The following WDR41 variants were observed in gnomAD, a reference collection of about 807,000 sequenced individuals.
The protein encoded by WDR41 is WD repeat-containing protein 41.
In WDR41, 63 loss-of-function variants were observed where a neutral mutation model predicts 69.3. The observed-to-expected ratio is 0.91, with a 90% CI of 0.74 to 1.12. WDR41 has a LOEUF of 1.12. WDR41 is among the 50% of genes most tolerant of loss of function. The pLI, the probability that WDR41 is intolerant of heterozygous loss-of-function variation, is 0.00. For synonymous variants in WDR41, 185 were observed against 192.1 expected, an observed-to-expected ratio of 0.96 and a Z score of 0.31; for missense variants, 543 against 534.5, an observed-to-expected ratio of 1.02 and a Z score of -0.16.
At chr5:77,549,444 C>T (rs1040873187) in intron 1 of WDR41, among the ~76,000 whole-genome samples, 4 of 152,034 alleles carry the variant, frequency 2.6e-5, no homozygotes, top group Non-Finnish European at 5.9e-5. Context: ...AAATCAGTAA[C>T]ATTTCTATAC....
intron 1 of WDR41, among the ~76,000 whole-genome samples, chr5:77,520,666 T>A (rs1484582757): frequency 6.6e-6 from 1 of 152,140 alleles, no homozygotes; most frequent in East Asian, 1.9e-4. Context: ...GAAAATGAAC[T>A]TCCTTTCAGA....
rs1358642822 is a variant in WDR41, at chr5:77,582,640, T to C, written c.42+37839A>G. On this transcript the variant is annotated intron_variant, in intron 1 of 5. Transcript: ENST00000509971. ...CTTCTATGTACCTGCAGAACCCAAA[T>C]TGGCGTTTGTCATCAGAATCAGAGG... is the stretch of plus-strand genomic sequence containing the variant. The C allele has an allele frequency of 7.5e-6, 12 of 1,601,780 alleles. 1 individual carries two copies. The highest frequency in any genetic ancestry group is 6.6e-5 in the South Asian group (6 of 91,060).
chr5:77,614,987 T>C (rs1219464476), intron 1 of WDR41, among the ~76,000 whole-genome samples: 1 of 152,052 alleles, frequency 6.6e-6, no homozygotes, highest in Non-Finnish European at 1.5e-5. Context: ...ATCTATGAAA[T>C]GTCCAGAAAG....
chr5:77,478,113 A>T (rs1801038291), intron 2 of WDR41, among the ~76,000 whole-genome samples: 1 of 152,198 alleles, frequency 6.6e-6, no homozygotes, highest in Non-Finnish European at 1.5e-5. Flanking sequence ...CACCCTCCCA[A>T]GACTAAACCA....
intron 8 of WDR41, 100 bp downstream of exon 8, chr5:77,449,660 A>T (rs1799542544): frequency 2.6e-6 from 2 of 758,654 alleles, no homozygotes; most frequent in Admixed American, 2.7e-5. Flanking sequence ...TATTTTAGTG[A>T]CTTATTCTAG....
At chr5:77,525,780 T>G (rs1246991956) in intron 1 of WDR41, among the ~76,000 whole-genome samples, 1 of 152,162 alleles carries the variant, frequency 6.6e-6, no homozygotes, top group African/African-American at 2.4e-5. Flanking sequence ...AAAAGACTTT[T>G]GAGCTCATTT....
chr5:77,510,591 T>C (rs923428434), intron 1 of WDR41, among the ~76,000 whole-genome samples: 1 of 152,098 alleles, frequency 6.6e-6, no homozygotes, highest in Admixed American at 6.5e-5. Context: ...TTCCATGCCT[T>C]TCTACTATCT....
chr5:77,526,447 T>A (rs1802448457), intron 1 of WDR41, among the ~76,000 whole-genome samples: 1 of 152,164 alleles, frequency 6.6e-6, no homozygotes, highest in African/African-American at 2.4e-5. Flanking sequence ...ATTTTAAATA[T>A]GTATTTCTAT....
chr5:77,559,132 C>T (rs1314653630), intron 1 of WDR41, among the ~76,000 whole-genome samples: 5 of 152,166 alleles, frequency 3.3e-5, no homozygotes, highest in Non-Finnish European at 7.3e-5. Context: ...TAGTTAACAA[C>T]CAGCTATATA....
At chr5:77,603,068 G>A (rs1332424347) in intron 1 of WDR41, among the ~76,000 whole-genome samples, 1 of 151,640 alleles carries the variant, frequency 6.6e-6, no homozygotes, top group East Asian at 1.9e-4. Flanking sequence ...CTCCCGAGTA[G>A]CTGGGACTAC....
chr5:77,561,138 A>G (rs1021465691), intron 1 of WDR41, among the ~76,000 whole-genome samples: 3 of 152,222 alleles, frequency 2.0e-5, no homozygotes, highest in African/African-American at 7.2e-5. Flanking sequence ...GGAATAATGT[A>G]TAAGTGAATA....
chr5:77,604,307 T>C (rs1267509091), intron 1 of WDR41, among the ~76,000 whole-genome samples: 2 of 152,206 alleles, frequency 1.3e-5, no homozygotes, highest in South Asian at 2.1e-4. Context: ...GTTAAATTTA[T>C]TCCTGCCTTT....
intron 2 of WDR41, among the ~76,000 whole-genome samples, chr5:77,486,746 T>TA (rs1390222867): frequency 3.3e-5 from 5 of 152,120 alleles, no homozygotes; most frequent in Admixed American, 2.0e-4. Flanking sequence ...GACAGAGGCA[T>TA]AAGTGAATCT....
chr5:77,590,376 C>T (rs966190154), intron 1 of WDR41, among the ~76,000 whole-genome samples: 4 of 152,142 alleles, frequency 2.6e-5, no homozygotes, highest in Non-Finnish European at 5.9e-5. Flanking sequence ...GGAAACACAT[C>T]GGAGTTATTA....
At chr5:77,491,098 A>C (rs1035927422) in intron 1 of WDR41, 4 of 353,984 alleles carry the variant, frequency 1.1e-5, no homozygotes, top group African/African-American at 6.6e-5. Context: ...CTGAAGAATC[A>C]CAAAAGAAGT....
chr5:77,554,167 T>C (rs1743348780), intron 1 of WDR41, among the ~76,000 whole-genome samples: 5 of 152,218 alleles, frequency 3.3e-5, no homozygotes, highest in South Asian at 4.1e-4. Flanking sequence ...TATAGTGTTT[T>C]ATAATCCCCA....
At chr5:77,596,631 G>A (rs996885897) in intron 1 of WDR41, among the ~76,000 whole-genome samples, 5 of 151,938 alleles carry the variant, frequency 3.3e-5, no homozygotes, top group South Asian at 2.1e-4. Context: ...CAAGTAGCTG[G>A]GGTTACAGGT....
chr5:77,510,766 A>ATTT (rs58752727), intron 1 of WDR41, among the ~76,000 whole-genome samples: 59 of 99,606 alleles, frequency 5.9e-4, no homozygotes, highest in Admixed American at 7.3e-4. Context: ...TCCAAATTCA[A>ATTT]TTTTTTTTTT....
intron 2 of WDR41, among the ~76,000 whole-genome samples, chr5:77,470,311 C>T (rs1400626753): frequency 6.6e-6 from 1 of 152,174 alleles, no homozygotes; most frequent in Non-Finnish European, 1.5e-5. Context: ...CCGATACCAG[C>T]CACTGCAAAA....
Sources: gnomAD v4.1 joint callset for allele counts (sites outside exome capture counted in the v4.1 genomes callset) on GRCh38, gnomAD v4.1.1 for gene constraint, MANE v1.5 for transcripts, NCBI Gene and HGNC (gene_info 2026-07-23, HGNC 2026-07-21) for gene names.